CYB5R4: variants seen among roughly 807,000 people sequenced by gnomAD.
CYB5R4 encodes N-terminal cytochrome b5 and cytochrome b5 oxidoreductase domain-containing protein.
CYB5R4 carries 55 observed loss-of-function variants against 70.2 expected under a neutral mutation model. The ratio of observed to expected loss-of-function variants is 0.78; its 90% CI spans 0.63 to 0.98. The LOEUF (loss-of-function observed/expected upper bound fraction) is 0.98, where lower values mean the gene tolerates loss of function less well. CYB5R4 is among the 50% of genes least tolerant of loss of function. CYB5R4 has a pLI of 0.00. For synonymous variants in CYB5R4, 197 were observed against 199.5 expected (o/e 0.99, Z 0.11); for missense variants, 562 against 612.6 (o/e 0.92, Z 0.87).
intron 3 of CYB5R4, among the ~76,000 whole-genome samples, chr6:83,905,382 A>C (rs1176152534): frequency 6.6e-6 from 1 of 151,926 alleles, no homozygotes; most frequent in South Asian, 2.1e-4. Context: ...ATATGGGAGA[A>C]ATTTTTCCTG....
At chr6:83,909,339 TA>T (rs1489973871) in intron 4 of CYB5R4, among the ~76,000 whole-genome samples, 1 of 152,216 alleles carries the variant, frequency 6.6e-6, no homozygotes, top group Non-Finnish European at 1.5e-5. Context: ...GGTTGATTTT[TA>T]GATTAGTTTT....
intron 14 of CYB5R4, among the ~76,000 whole-genome samples, chr6:83,952,041 G>C (rs915928728): frequency 1.3e-5 from 2 of 152,182 alleles, no homozygotes; most frequent in African/African-American, 4.8e-5. Context: ...AACACTGACA[G>C]TGTCATTAAC....
Position 83,967,354 on chromosome 6 carries a change from T to C in CYB5R4, c.*7476T>C, listed in dbSNP as rs1408820036. On this transcript the variant is annotated 3_prime_UTR_variant, in exon 16 of 16. Transcript: ENST00000369681. ...TAAACTATTTCAGTAGTTTTGGCAG[T>C]GGTTGTATTAGTATTGTTATTCTGA... 1 of 152,196 alleles carries C rather than the reference T, an allele frequency of 6.6e-6. No individual in the cohort carries two copies. Among genetic ancestry groups the C allele is most frequent in the Non-Finnish European group, 1.5e-5 (1 of 68,034 alleles). The allele number at this position is 152,196 out of a possible 1,614,324, so 9.4% of individuals were successfully genotyped here.
At chr6:83,922,884 G>A (rs1178209169) in intron 9 of CYB5R4, among the ~76,000 whole-genome samples, 1 of 151,910 alleles carries the variant, frequency 6.6e-6, no homozygotes, top group Non-Finnish European at 1.5e-5. Context: ...TGCCTCTCAG[G>A]CTGAAGTGAT....
At chr6:83,908,885 T>C (rs1178613776) in intron 3 of CYB5R4, 124 bp from the exon 4 acceptor site, 4 of 676,822 alleles carry the variant, frequency 5.9e-6, no homozygotes, top group Non-Finnish European at 1.1e-5. Flanking sequence ...TAATTGAATA[T>C]GCTTCTTAGT....
intron 10 of CYB5R4, among the ~76,000 whole-genome samples, chr6:83,933,259 T>TA (rs2099468415): frequency 6.6e-6 from 1 of 152,204 alleles, no homozygotes; most frequent in Non-Finnish European, 1.5e-5. Context: ...AGGTGACCTC[T>TA]AGTGATACTC....
intron 2 of CYB5R4, among the ~76,000 whole-genome samples, chr6:83,878,892 T>C (rs1323351927): frequency 1.3e-5 from 2 of 152,160 alleles, no homozygotes; most frequent in Non-Finnish European, 2.9e-5. Flanking sequence ...GGGCCTGCAA[T>C]GCTAGAGGGT....
chr6:83,919,321 A>T, intron 6 of CYB5R4, 76 bp from the exon 7 acceptor site: 1 of 816,584 alleles, frequency 1.2e-6, no homozygotes, highest in East Asian at 3.1e-5. Flanking sequence ...ATAAATTTTA[A>T]ACATTTAATG....
chr6:83,939,154 TTCA>T (rs2099469374), intron 12 of CYB5R4, among the ~76,000 whole-genome samples: 1 of 152,126 alleles, frequency 6.6e-6, no homozygotes, highest in Non-Finnish European at 1.5e-5. Flanking sequence ...AAATACTTAT[TTCA>T]TCAACTACTG....
chr6:83,932,529 G>A (rs530695611), intron 10 of CYB5R4, among the ~76,000 whole-genome samples: 1 of 152,316 alleles, frequency 6.6e-6, no homozygotes, highest in Non-Finnish European at 1.5e-5. Flanking sequence ...ACCTGTGCAA[G>A]AGGGTCACCT....
At chr6:83,882,928 T>C (rs999845401) in intron 2 of CYB5R4, among the ~76,000 whole-genome samples, 20 of 152,024 alleles carry the variant, frequency 1.3e-4, no homozygotes, top group African/African-American at 4.8e-4. Flanking sequence ...GAGCCGAGAT[T>C]GCACCACTAC....
intron 3 of CYB5R4, among the ~76,000 whole-genome samples, chr6:83,898,913 G>T (rs1483927559): frequency 4.6e-5 from 7 of 152,198 alleles, no homozygotes; most frequent in Non-Finnish European, 8.8e-5. Flanking sequence ...TCTGCAAACA[G>T]GGACAATTTG....
intron 14 of CYB5R4, among the ~76,000 whole-genome samples, chr6:83,947,688 C>G (rs2099470837): frequency 6.6e-6 from 1 of 152,112 alleles, no homozygotes; most frequent in African/African-American, 2.4e-5. Context: ...GGAGCTTAAA[C>G]AAATTTACAA....
At chr6:83,922,378 G>C in intron 8 of CYB5R4, 60 bp from the exon 9 acceptor site, 1 of 1,373,540 alleles carries the variant, frequency 7.3e-7, no homozygotes, top group Non-Finnish European at 1.0e-6. Flanking sequence ...ATGACATATG[G>C]TGTTCAAAAA....
chr6:83,899,451 C>T (rs1261583386), intron 3 of CYB5R4, among the ~76,000 whole-genome samples: 1 of 152,098 alleles, frequency 6.6e-6, no homozygotes, highest in African/African-American at 2.4e-5. Context: ...CTCTGCCAGG[C>T]TTTGATATGA....
chr6:83,958,676 C>A (rs187580957), intron 15 of CYB5R4, among the ~76,000 whole-genome samples: 11 of 152,238 alleles, frequency 7.2e-5, no homozygotes, highest in South Asian at 2.1e-4. Context: ...AACTCCTGTG[C>A]CCTACTGGCC....
At chr6:83,885,354 C>G (rs187364507) in intron 2 of CYB5R4, among the ~76,000 whole-genome samples, 7 of 152,266 alleles carry the variant, frequency 4.6e-5, no homozygotes, top group African/African-American at 1.7e-4. Flanking sequence ...CCTTGAGCCA[C>G]CAAAAAGGTC....
Position 83,919,392 on chromosome 6 carries a change from T to G in CYB5R4, c.507-5T>G. ...ATTATTCATCCTTTTATTTATATTT[T>G]ACAGCTATGATTGGTTCCAAACAGA... On this transcript the variant is annotated splice_polypyrimidine_tract_variant and splice_region_variant and intron_variant, in intron 6 of 15. Coordinates refer to ENST00000369681, the MANE Select transcript of CYB5R4 (RefSeq NM_016230.4). 5 of 1,451,242 alleles carry G rather than the reference T, an allele frequency of 3.4e-6. No homozygotes were observed. Among genetic ancestry groups the G allele is most frequent in the Admixed American group, 4.1e-5 (2 of 48,590 alleles). 89.9% of individuals were successfully genotyped at this position (1,451,242 alleles called of 1,614,324 possible).
intron 15 of CYB5R4, among the ~76,000 whole-genome samples, chr6:83,959,248 G>A (rs2099472924): frequency 6.6e-6 from 1 of 152,120 alleles, no homozygotes; most frequent in South Asian, 2.1e-4. Context: ...CAAAAAGAGA[G>A]GCAACCATTT....
Sources: gnomAD v4.1 joint callset for allele counts (sites outside exome capture counted in the v4.1 genomes callset) on GRCh38, gnomAD v4.1.1 for gene constraint, MANE v1.5 for transcripts, NCBI Gene and HGNC (gene_info 2026-07-23, HGNC 2026-07-21) for gene names.